The following PIKFYVE variants were observed in gnomAD, a reference collection of about 807,000 sequenced individuals.
PIKFYVE encodes 1-phosphatidylinositol 3-phosphate 5-kinase.
In PIKFYVE, 122 loss-of-function variants were observed where a neutral mutation model predicts 257.9. That is an observed-to-expected ratio of 0.47 (90% confidence interval 0.41 to 0.55). PIKFYVE has a LOEUF of 0.55. Ranked by LOEUF, PIKFYVE falls within the 20% of genes least tolerant of loss-of-function variation. PIKFYVE has a pLI of 0.00. For synonymous variants in PIKFYVE, 892 were observed against 868.9 expected (o/e 1.03, Z -0.47); for missense variants, 2,160 against 2,536.6 (o/e 0.85, Z 3.19).
At chr2:208,290,579 C>T (rs965469967) in intron 7 of PIKFYVE, among the ~76,000 whole-genome samples, 1 of 152,184 alleles carries the variant, frequency 6.6e-6, no homozygotes, top group Non-Finnish European at 1.5e-5. Flanking sequence ...GTTATAACAT[C>T]TGAGTATAGG....
chr2:208,355,075 G>GCTT, intron 41 of PIKFYVE, 115 bp from the exon 42 acceptor site: 2 of 809,624 alleles, frequency 2.5e-6, no homozygotes, highest in East Asian at 5.3e-5. Flanking sequence ...CACTCAGACT[G>GCTT]CTTCTGCATG....
At chr2:208,267,724 T>G (rs1002890110) in intron 1 of PIKFYVE, among the ~76,000 whole-genome samples, 7 of 152,100 alleles carry the variant, frequency 4.6e-5, no homozygotes, top group Non-Finnish European at 8.8e-5. Context: ...CGAAGCTGGT[T>G]TTGAATTCCT....
chr2:208,358,021 C>T lies in PIKFYVE; in HGVS notation c.*2716C>T, dbSNP rs1417247982. 6.6e-6 allele frequency: 1 copy of T among 152,262 alleles called. No individual in the cohort carries two copies. Among genetic ancestry groups the T allele is most frequent in the South Asian group, 2.1e-4 (1 of 4,832 alleles). 9.4% of individuals were successfully genotyped at this position (152,262 alleles called of 1,614,324 possible). On this transcript the variant is annotated 3_prime_UTR_variant, in exon 42 of 42. Transcript: ENST00000264380. Reference sequence around the variant, plus strand: ...GAAAAATAATGAGAACAAGCTGTTGCAAGCTCTTTTGTAGTCTATTGAATA... The same window carrying T: ...GAAAAATAATGAGAACAAGCTGTTGTAAGCTCTTTTGTAGTCTATTGAATA...
chr2:208,337,977 C>T (rs2125697312), intron 28 of PIKFYVE, among the ~76,000 whole-genome samples: 1 of 152,270 alleles, frequency 6.6e-6, no homozygotes, highest in South Asian at 2.1e-4. Context: ...TCCACCTTGG[C>T]CTCCCGAAGT....
At chr2:208,277,766 A>G in intron 5 of PIKFYVE, 58 bp downstream of exon 5, 2 of 1,565,846 alleles carry the variant, frequency 1.3e-6, no homozygotes, top group East Asian at 2.2e-5. Context: ...TAAGACACTT[A>G]TAATACAGGA....
rs1485232227 is a variant in PIKFYVE at position 208,346,035 on chromosome 2, T to G, written c.5112-15T>G. 1 of 1,598,838 alleles carries G rather than the reference T, an allele frequency of 6.3e-7. No homozygotes were observed. Among genetic ancestry groups the G allele is most frequent in the Non-Finnish European group, 8.6e-7 (1 of 1,166,574 alleles). ...TATAAAACTAAATTTTTCTTTTTTTTTCTTTTCATTTTAGTACTTCAGATA... is the reference window on the plus strand; with the variant it reads ...TATAAAACTAAATTTTTCTTTTTTTGTCTTTTCATTTTAGTACTTCAGATA... On this transcript the variant is annotated splice_polypyrimidine_tract_variant and intron_variant, in intron 33 of 41. Transcript: ENST00000264380.
chr2:208,300,669 TAGG>T (rs1693569807), intron 8 of PIKFYVE, among the ~76,000 whole-genome samples: 1 of 152,124 alleles, frequency 6.6e-6, no homozygotes, highest in Non-Finnish European at 1.5e-5. Context: ...AATACATAAA[TAGG>T]AGATTGATAA....
chr2:208,325,701 C>T lies in PIKFYVE; in HGVS notation c.2890C>T (p.Pro964Ser), dbSNP rs780129020. ...KHQEHSTTAC[P>S]AGLPCAFFAP... ...TCAAGAACATAGCACAACAGCTTGC[C>T]CGGCGGGTCTCCCTTGTGCTTTCTT... Residue 964 changes from proline to serine, a missense_variant, in exon 20 of 42, where the codon CCG (proline) becomes TCG (serine). Pro to Ser is a moderately conservative substitution (Grantham distance 74, BLOSUM62 -1). Transcript: ENST00000264380. The T allele has an allele frequency of 6.2e-7, 1 of 1,613,670 alleles. No homozygotes were observed. The highest frequency in any genetic ancestry group is 1.1e-5 in the South Asian group (1 of 91,028).
chr2:208,312,358 G>T, intron 13 of PIKFYVE, 63 bp downstream of exon 13: 1 of 1,294,960 alleles, frequency 7.7e-7, no homozygotes. Context: ...TATACTTAGG[G>T]CTTAGCACAT....
At chr2:208,294,592 A>T (rs555442882) in intron 7 of PIKFYVE, among the ~76,000 whole-genome samples, 2 of 152,288 alleles carry the variant, frequency 1.3e-5, no homozygotes, top group Admixed American at 6.5e-5. Context: ...TCACTGTCAC[A>T]GGTGAGCCTG....
At chr2:208,351,776 C>T (rs1272781237) in intron 38 of PIKFYVE, among the ~76,000 whole-genome samples, 11 of 152,162 alleles carry the variant, frequency 7.2e-5, no homozygotes, top group Admixed American at 7.2e-4. Flanking sequence ...TTTTAACTAA[C>T]CAGATCTTGC....
rs759556735 is a variant in PIKFYVE at position 208,317,922 on chromosome 2, A to G, written c.2063A>G (p.Lys688Arg). 2.5e-6 allele frequency: 4 copies of G among 1,613,942 alleles called. No homozygotes were observed. In the South Asian group the frequency reaches 4.4e-5, roughly 18 times the overall value. Reference sequence around the variant, plus strand: ...GTTGTCAATGGCTTTGTTTGTACCAAGAACATTGCACATAAAAAGGTAATG... The same window carrying G: ...GTTGTCAATGGCTTTGTTTGTACCAGGAACATTGCACATAAAAAGGTAATG... ...SVVVNGFVCTKNIAHKKMSSC... is the reference protein window; with the variant it reads ...SVVVNGFVCTRNIAHKKMSSC... Residue 688 changes from lysine (K) to arginine (R), a missense_variant, in exon 16 of 42, where the codon AAG (lysine) becomes AGG (arginine). Transcript: ENST00000264380.
At chr2:208,322,983 T>A (rs12469597) in intron 17 of PIKFYVE, among the ~76,000 whole-genome samples, 150,218 of 151,222 alleles carry the variant, frequency 0.99, 74,622 homozygotes, top group Middle Eastern at 1. Flanking sequence ...GCTGAGAATG[T>A]TGGTTTCCAG....
intron 27 of PIKFYVE, among the ~76,000 whole-genome samples, chr2:208,336,571 C>T (rs1469251376): frequency 6.6e-6 from 1 of 151,360 alleles, no homozygotes; most frequent in East Asian, 1.9e-4. Flanking sequence ...TTATCTTATG[C>T]CTTTATTTAA....
intron 1 of PIKFYVE, 39 bp from the exon 2 acceptor site, chr2:208,271,472 G>A: frequency 6.3e-7 from 1 of 1,599,444 alleles, no homozygotes. Flanking sequence ...TGAGCTTCCT[G>A]AGGAATTTAG....
At chr2:208,266,204 T>A (rs1465838832), upstream of PIKFYVE, 1 of 151,054 alleles carries the variant, frequency 6.6e-6, no homozygotes, top group Non-Finnish European at 1.5e-5. Context: ...CGGGAAAGAT[T>A]TCGGACTGGG....
intron 23 of PIKFYVE, among the ~76,000 whole-genome samples, chr2:208,332,099 G>A (rs573443200): frequency 6.6e-6 from 1 of 152,048 alleles, no homozygotes; most frequent in East Asian, 1.9e-4. Context: ...CAACATATAT[G>A]ACTAAACATA....
chr2:208,352,777 G>A lies in PIKFYVE; in HGVS notation c.5839G>A (p.Ala1947Thr). 6.2e-7 allele frequency: 1 copy of A among 1,612,932 alleles called. No homozygotes were observed. The highest frequency in any genetic ancestry group is 8.5e-7 in the Non-Finnish European group (1 of 1,179,474). Residue 1947 changes from alanine to threonine, a missense_variant, in exon 39 of 42, where the codon GCA becomes ACA. Transcript: ENST00000264380. ...MENLFYGRKM[A>T]QVFDLKGSLR... ...AAATCTTTTCTACGGGAGAAAGATG[G>A]CACAGGTAAGGGTATTGGACTATGT...
intron 14 of PIKFYVE, 40 bp downstream of exon 14, chr2:208,314,463 A>T: frequency 6.3e-7 from 1 of 1,580,564 alleles, no homozygotes; most frequent in Non-Finnish European, 8.6e-7. Flanking sequence ...TTTCACTTTT[A>T]TTATCTTCAG....
Sources: gnomAD v4.1 joint callset for allele counts (sites outside exome capture counted in the v4.1 genomes callset) on GRCh38, gnomAD v4.1.1 for gene constraint, MANE v1.5 for transcripts, NCBI Gene and HGNC (gene_info 2026-07-23, HGNC 2026-07-21) for gene names.